The following TMEM201 variants were observed in gnomAD, a reference collection of about 807,000 sequenced individuals.
TMEM201 encodes transmembrane protein 201.
A neutral mutation model predicts 63.4 loss-of-function variants in TMEM201; 26 were observed. The ratio of observed to expected loss-of-function variants is 0.41; its 90% CI spans 0.30 to 0.57. The LOEUF (loss-of-function observed/expected upper bound fraction) is 0.57, where lower values mean the gene tolerates loss of function less well. Ranked by LOEUF, TMEM201 falls within the 20% of genes least tolerant of loss-of-function variation. The pLI is 0.29. For missense variants in TMEM201, 794 were observed against 917.7 expected (o/e 0.87, Z 1.74); for synonymous variants, 417 against 421.6 (o/e 0.99, Z 0.14).
At chr1:9,602,674 G>C in intron 6 of TMEM201, 1 of 1,120,890 alleles carries the variant, frequency 8.9e-7, no homozygotes, top group South Asian at 2.3e-5. Context: ...TGAGGGTCCT[G>C]GTCCTGCTGT....
intron 1 of TMEM201, among the ~76,000 whole-genome samples, chr1:9,593,141 C>T (rs552547570): frequency 2.7e-4 from 41 of 152,330 alleles, no homozygotes; most frequent in African/African-American, 9.4e-4. Flanking sequence ...TAGGCTGGCT[C>T]AGAAGAGATT....
At chr1:9,596,125 C>T (rs1470583253) in intron 2 of TMEM201, 115 bp downstream of exon 2, 9 of 1,351,236 alleles carry the variant, frequency 6.7e-6, no homozygotes, top group Non-Finnish European at 8.1e-6. Flanking sequence ...ACCCCACACC[C>T]TCATACCCTG....
chr1:9,612,784 T>G (rs1644342390), intron 10 of TMEM201, among the ~76,000 whole-genome samples: 1 of 152,180 alleles, frequency 6.6e-6, no homozygotes, highest in African/African-American at 2.4e-5. Flanking sequence ...AGCTGTGCCT[T>G]CAGGGAGGCA....
At chr1:9,593,415 G>T (rs1051744122) in intron 1 of TMEM201, among the ~76,000 whole-genome samples, 1 of 152,188 alleles carries the variant, frequency 6.6e-6, no homozygotes, top group African/African-American at 2.4e-5. Flanking sequence ...GGTAGGGCCC[G>T]CCTGGCCAAA....
At position 9,607,767 on chromosome 1, in the gene TMEM201, C is replaced by T; in HGVS notation, c.1371C>T (p.Thr457=). The T allele has an allele frequency of 2.6e-6, 4 of 1,551,608 alleles. No individual in the cohort carries two copies. Among genetic ancestry groups the T allele is most frequent in the Non-Finnish European group, 2.6e-6 (3 of 1,147,044 alleles). ...GRLSRALSLG[T]IPSLTRADSG... is the part of the protein sequence containing the mutation. ...TCAGCCGGGCCCTCTCTCTGGGAAC[C>T]ATACCCTCTCTGACTCGAGCAGGTA... is the stretch of plus-strand genomic sequence containing the variant. The change falls in exon 7 of 11, where the codon ACC becomes ACT. Residue 457 remains threonine, a synonymous_variant. Coordinates refer to ENST00000340381, the MANE Select transcript of TMEM201 (RefSeq NM_001130924.3). The surrounding 1 kb of genome is among the most constrained non-coding windows in gnomAD (Gnocchi z 5.4).
chr1:9,594,967 T>G (rs1004163352), intron 1 of TMEM201, among the ~76,000 whole-genome samples: 1 of 152,220 alleles, frequency 6.6e-6, no homozygotes, highest in Admixed American at 6.5e-5. Flanking sequence ...CTGCCCACTC[T>G]GGCAGGGGCT....
Position 9,589,110 on chromosome 1 carries a change from C to T in TMEM201, c.113+67C>T, listed in dbSNP as rs948286336. 4.7e-5 allele frequency: 34 copies of T among 726,450 alleles called. No homozygotes were observed. The Admixed American group carries it at 1.1e-3, about 23-fold the overall frequency. 45.0% of individuals were successfully genotyped at this position (726,450 alleles called of 1,614,324 possible). A position where few individuals can be genotyped will look rare whatever the true frequency, so the allele number is the denominator to read the frequency against. On this transcript the variant is annotated intron_variant, in intron 1 of 10. Coordinates refer to ENST00000340381, the MANE Select transcript of TMEM201 (RefSeq NM_001130924.3). ...CGCCAGGCCCGCCCCCGCGCCGCCC[C>T]GGCCCGCTGCCCCCCTCGGCCGGGA...
rs762006337 is a variant in TMEM201, at chr1:9,607,640, C to A, written c.1244C>A (p.Ala415Glu). The change falls in exon 7 of 11, where the codon GCG becomes GAG. Residue 415 changes from alanine to glutamate, a missense_variant. Coordinates refer to ENST00000340381, the MANE Select transcript of TMEM201 (RefSeq NM_001130924.3). The surrounding 1 kb of genome is among the most constrained non-coding windows in gnomAD (Gnocchi z 5.4). ...IPHPSVGGSPASLFIPSPPSF... is the reference protein window; with the variant it reads ...IPHPSVGGSPESLFIPSPPSF... ...CACCCGAGTGTCGGAGGCTCTCCAG[C>A]GTCTCTGTTCATCCCCAGCCCGCCC... The A allele has an allele frequency of 6.4e-7, 1 of 1,551,884 alleles. No homozygotes were observed. Among genetic ancestry groups the A allele is most frequent in the Non-Finnish European group, 8.7e-7 (1 of 1,147,086 alleles).
At chr1:9,598,679 A>G in intron 4 of TMEM201, 54 bp downstream of exon 4, 1 of 1,562,982 alleles carries the variant, frequency 6.4e-7, no homozygotes, top group Non-Finnish European at 8.7e-7. Context: ...TGTTCAGGAA[A>G]CCCTCCCAGG....
rs756911902 is a variant in TMEM201, at chr1:9,610,611, G to C, written c.1571G>C (p.Arg524Pro). 4.4e-5 allele frequency: 68 copies of C among 1,550,296 alleles called. No individual in the cohort carries two copies. The highest frequency in any genetic ancestry group is 5.6e-5 in the Non-Finnish European group (64 of 1,146,882). Reference sequence around the variant, plus strand: ...TCCAGCTCCGGCTCTCTGCGCCACCGCAGGCCCCTCATCAGCCCTGCCCGG... The same window carrying C: ...TCCAGCTCCGGCTCTCTGCGCCACCCCAGGCCCCTCATCAGCCCTGCCCGG... The part of the protein sequence containing the change: ...VASSSGSLRH[R>P]RPLISPARLN... Residue 524 changes from arginine to proline, a missense_variant, in exon 9 of 11, where the codon CGC (arginine) becomes CCC (proline). Transcript: ENST00000340381. This position sits in a 1 kb window ranked among gnomAD's most constrained non-coding sequence, Gnocchi z 4.9.
rs780233136 is a variant in TMEM201, at chr1:9,595,900, A to G, written c.124A>G (p.Thr42Ala). Reference sequence around the variant, plus strand: ...TTCCTTGGTCCACAGGATGAAGCCAACGCACACGATGGTCAACTGCTGGTT... The same window carrying G: ...TTCCTTGGTCCACAGGATGAAGCCAGCGCACACGATGGTCAACTGCTGGTT... ...LYRIARRMKP[T>A]HTMVNCWFCN... Residue 42 changes from threonine (T) to alanine (A), a missense_variant, in exon 2 of 11, where the codon ACG (threonine) becomes GCG (alanine). Coordinates refer to ENST00000340381, the MANE Select transcript of TMEM201 (RefSeq NM_001130924.3). The G allele has an allele frequency of 1.6e-5, 26 of 1,613,356 alleles. No homozygotes were observed. Among genetic ancestry groups the G allele is most frequent in the African/African-American group, 9.3e-5 (7 of 74,928 alleles).
rs781740701 is a variant in TMEM201, at chr1:9,602,221, C to A, written c.1109C>A (p.Ala370Glu). ...TTGTGCTGCCTGGTTGGCTTCACGG[C>A]GGCTGTGGCCACAAGGAAGGCAACG... ...TSLCCLVGFT[A>E]AVATRKATGP... The change falls in exon 6 of 11, where the codon GCG becomes GAG. Residue 370 changes from alanine to glutamate, a missense_variant. Coordinates refer to ENST00000340381, the MANE Select transcript of TMEM201 (RefSeq NM_001130924.3). The A allele has an allele frequency of 6.2e-7, 1 of 1,612,578 alleles. No individual in the cohort carries two copies. The highest frequency in any genetic ancestry group is 1.1e-5 in the South Asian group (1 of 91,052).
chr1:9,604,192 T>C lies in TMEM201; in HGVS notation c.1160+1920T>C, dbSNP rs528786125. The C allele has an allele frequency of 9.1e-6, 9 of 985,432 alleles. No homozygotes were observed. In the African/African-American group the frequency reaches 1.4e-4, roughly 15 times the overall value. 61.0% of individuals were successfully genotyped at this position (985,432 alleles called of 1,614,324 possible). On this transcript the variant is annotated intron_variant, in intron 6 of 10. Transcript: ENST00000340381. This position sits in a 1 kb window ranked among gnomAD's most constrained non-coding sequence, Gnocchi z 4.1. ...ACAGTGTGATGCTAATGTCTGCTTT[T>C]CTTGGCGTTGGGTAGAAGCAGGACA...
At chr1:9,595,376 T>C (rs904926105) in intron 1 of TMEM201, among the ~76,000 whole-genome samples, 1 of 152,154 alleles carries the variant, frequency 6.6e-6, no homozygotes, top group Non-Finnish European at 1.5e-5. Context: ...ACTGTCTCTC[T>C]CTGGAGCACA....
chr1:9,596,630 C>T (rs1338227056), intron 2 of TMEM201, among the ~76,000 whole-genome samples: 1 of 152,210 alleles, frequency 6.6e-6, no homozygotes, highest in Admixed American at 6.5e-5. Flanking sequence ...GCTGCAGGCC[C>T]TGCTCTGTGC....
intron 4 of TMEM201, among the ~76,000 whole-genome samples, chr1:9,600,876 G>C (rs577665392): frequency 6.6e-6 from 1 of 152,274 alleles, no homozygotes; most frequent in South Asian, 2.1e-4. Context: ...GCCAAAATAA[G>C]GTCACTACAA....
chr1:9,604,672 T>G lies in TMEM201; in HGVS notation c.1160+2400T>G. On this transcript the variant is annotated intron_variant, in intron 6 of 10. Transcript: ENST00000340381. The surrounding 1 kb of genome is among the most constrained non-coding windows in gnomAD (Gnocchi z 4.1). ...GATTCAGCCATCCTCACCCTCAGACTTGAGGTCCCCACCCAGGCCAAGCCG... is the reference window on the plus strand; with the variant it reads ...GATTCAGCCATCCTCACCCTCAGACGTGAGGTCCCCACCCAGGCCAAGCCG... 1 of 985,780 alleles carries G rather than the reference T, an allele frequency of 1.0e-6. No individual in the cohort carries two copies. 61.1% of individuals were successfully genotyped at this position (985,780 alleles called of 1,614,324 possible).
Position 9,610,723 on chromosome 1 carries a change from G to C in TMEM201, c.1683G>C (p.Ser561=). ...CGCCCAGCAGCTCCGATGAGCACTC[G>C]CCTCACAACGGCAGCCTCTTCACCA... ...PTTPSSSDEH[S]PHNGSLFTME... The change falls in exon 9 of 11, where the codon TCG becomes TCC. Residue 561 remains serine (S), a synonymous_variant. Transcript: ENST00000340381. The surrounding 1 kb of genome is among the most constrained non-coding windows in gnomAD (Gnocchi z 4.9). 1 of 1,550,414 alleles carries C rather than the reference G, an allele frequency of 6.4e-7. No homozygotes were observed. The highest frequency in any genetic ancestry group is 8.7e-7 in the Non-Finnish European group (1 of 1,146,854).
intron 4 of TMEM201, 62 bp downstream of exon 4, chr1:9,598,687 A>C (rs1644074305): frequency 6.5e-7 from 1 of 1,549,598 alleles, no homozygotes; most frequent in African/African-American, 1.4e-5. Context: ...AAACCCTCCC[A>C]GGAGGCTGGG....
Sources: allele counts gnomAD v4.1 joint callset (sites outside exome capture counted in the v4.1 genomes callset), GRCh38; gene constraint gnomAD v4.1.1; non-coding constraint Gnocchi (gnomAD v3.1); transcripts MANE v1.5; gene names NCBI Gene and HGNC (gene_info 2026-07-23, HGNC 2026-07-21).